The following ZNF208 variants were observed in gnomAD, a reference collection of about 807,000 sequenced individuals.
ZNF208 encodes the protein zinc finger protein 95.
Under a neutral mutation model 12.1 loss-of-function variants are expected in ZNF208, and 10 were observed. The ratio of observed to expected loss-of-function variants is 0.83; its 90% confidence interval spans 0.51 to 1.40. ZNF208 has a LOEUF of 1.40. Among genes scored for constraint, ZNF208 ranks in the 40% most tolerant of loss-of-function variants. The pLI is 0.00. For synonymous variants in ZNF208, 497 were observed against 488.4 expected, an observed-to-expected ratio of 1.02 and a Z score of -0.23; for missense variants, 1,652 against 1,485.0, an observed-to-expected ratio of 1.11 and a Z score of -1.85.
At position 21,971,386 on chromosome 19, in the gene ZNF208, C is replaced by G; in HGVS notation, c.3648G>C (p.Lys1216Asn). The change falls in exon 4 of 4, where the codon AAG (lysine) becomes AAC (asparagine). Residue 1216 changes from lysine (K) to asparagine (N), a missense_variant. Transcript: ENST00000397126. ...AGGGTTTCTCTCCAGTATGAATTTT[C>G]TTGTGATATCTAAGGGTTGAGGGCC... ...YKWPSTLRYH[K>N]KIHTGEKPYK... 1 of 1,609,786 alleles carries G rather than the reference C, an allele frequency of 6.2e-7. No homozygotes were observed. The highest frequency in any genetic ancestry group is 8.5e-7 in the Non-Finnish European group (1 of 1,179,320).
In ZNF208 at chr19:21,988,857, T is replaced by C; in HGVS notation, c.56A>G (p.Gln19Arg). The C allele has an allele frequency of 6.2e-7, 1 of 1,614,114 alleles. No homozygotes were observed. Among genetic ancestry groups the C allele is most frequent in the Non-Finnish European group, 8.5e-7 (1 of 1,179,972 alleles). ...VAIEFSLEEWQCLDTAQQNLY... is the reference protein window; with the variant it reads ...VAIEFSLEEWRCLDTAQQNLY... ...ATTCTGCTGTGCAGTGTCCAGGCAT[T>C]GCCACTCCTCCAGAGAGAATTCTAT... The change falls in exon 2 of 4, where the codon CAA becomes CGA. Residue 19 changes from glutamine (Q) to arginine (R), a missense_variant. Coordinates refer to ENST00000397126, the MANE Select transcript of ZNF208 (RefSeq NM_007153.3).
At chr19:21,983,906 G>C (rs573177104) in intron 3 of ZNF208, among the ~76,000 whole-genome samples, 1 of 152,058 alleles carries the variant, frequency 6.6e-6, no homozygotes, top group Non-Finnish European at 1.5e-5. Flanking sequence ...TGTAGATAAC[G>C]AGTTGATGGG....
rs58939967 is a variant in ZNF208, at chr19:22,001,892, C to CAAAAAAAAAAAAAAAAAAAAA, written c.3+8879_3+8899dup. 2.6e-3 allele frequency among the ~76,000 whole-genome samples: 191 copies of CAAAAAAAAAAAAAAAAAAAAA among 74,094 alleles called. 42 individuals are homozygous for CAAAAAAAAAAAAAAAAAAAAA. The highest frequency in any genetic ancestry group is 4.3e-3 in the East Asian group (10 of 2,352). The allele number at this position is 74,094 out of a possible 152,430, so 48.6% of individuals were successfully genotyped here. On this transcript the variant is annotated intron_variant, in intron 1 of 3. Transcript: ENST00000397126. ...TGGATGACACAGTGAGACTCCATCC[C>CAAAAAAAAAAAAAAAAAAAAA]AAAAAAAAAAAAAAAAAAAAAAAAA...
intron 4 of ZNF208, among the ~76,000 whole-genome samples, chr19:21,953,155 TG>T (rs951255610): frequency 2.4e-4 from 36 of 152,138 alleles, no homozygotes; most frequent in African/African-American, 8.2e-4. Flanking sequence ...CCAAGAACTG[TG>T]GGACTATGTG....
At position 21,987,282 on chromosome 19, in the gene ZNF208, T is replaced by C; in HGVS notation, c.160A>G (p.Ile54Val). 1.2e-6 allele frequency: 2 copies of C among 1,612,610 alleles called. No individual in the cohort carries two copies. The highest frequency in any genetic ancestry group is 1.1e-5 in the South Asian group (1 of 90,742). The change falls in exon 3 of 4, where the codon ATT becomes GTT. Residue 54 changes from isoleucine to valine, a missense_variant. Ile to Val is a conservative substitution (Grantham distance 29, BLOSUM62 3). Coordinates refer to ENST00000397126, the MANE Select transcript of ZNF208 (RefSeq NM_007153.3). ...GACTCTTTTCCTTCCTCCAGAAAAATGATCAGGTCTGGCTTAAAGGCAGCA... is the reference window on the plus strand; with the variant it reads ...GACTCTTTTCCTTCCTCCAGAAAAACGATCAGGTCTGGCTTAAAGGCAGCA... ...GIAAFKPDLI[I>V]FLEEGKESWN...
rs142656769 is a variant in ZNF208, at chr19:21,949,269, G to A, written c.306-16032C>T. On this transcript the variant is annotated intron_variant, in intron 4 of 4. Coordinates refer to the ZNF208 transcript ENST00000599916. The stretch of plus-strand genomic sequence containing the variant: ...TAACACTGTTCTCTGTGCCCCAACT[G>A]AAGAGGTCTCAGGAAGGCACTAAGA... 6.0e-3 allele frequency among the ~76,000 whole-genome samples: 921 copies of A among 152,258 alleles called. 8 individuals are homozygous for A. Among genetic ancestry groups the A allele is most frequent in the African/African-American group, 0.02 (833 of 41,552 alleles).
At chr19:21,950,918 G>T (rs762067849) in intron 4 of ZNF208, among the ~76,000 whole-genome samples, 6 of 152,136 alleles carry the variant, frequency 3.9e-5, no homozygotes, top group Non-Finnish European at 8.8e-5. Context: ...TACGTGTTTT[G>T]TGTGATGTCT....
chr19:21,942,028 T>A (rs1208469208), intron 4 of ZNF208, among the ~76,000 whole-genome samples: 1 of 152,170 alleles, frequency 6.6e-6, no homozygotes, highest in African/African-American at 2.4e-5. Flanking sequence ...GATGTGTAAA[T>A]CTTTCTTGAG....
At chr19:21,946,628 A>C (rs556620728) in intron 4 of ZNF208, among the ~76,000 whole-genome samples, 1 of 152,292 alleles carries the variant, frequency 6.6e-6, no homozygotes, top group Non-Finnish European at 1.5e-5. Flanking sequence ...TAAAACTATA[A>C]CATATTTTGG....
At chr19:21,981,735 AG>A (rs2145560376) in intron 3 of ZNF208, among the ~76,000 whole-genome samples, 1 of 152,316 alleles carries the variant, frequency 6.6e-6, no homozygotes, top group African/African-American at 2.4e-5. Flanking sequence ...AAAGAAATAA[AG>A]GATATTCAAA....
At chr19:21,952,429 C>T (rs1969904317) in intron 4 of ZNF208, among the ~76,000 whole-genome samples, 1 of 152,268 alleles carries the variant, frequency 6.6e-6, no homozygotes, top group South Asian at 2.1e-4. Flanking sequence ...TAGGTGGGTG[C>T]CCCTCTGGGA....
chr19:22,009,461 C>T lies in ZNF208; in HGVS notation c.3+1331G>A, dbSNP rs532115867. On this transcript the variant is annotated intron_variant, in intron 1 of 3. Transcript: ENST00000397126. Reference sequence around the variant, plus strand: ...TTTCTAATTTCTACTTTTAAAAAATCTAATTCGGCCAGGCACGGTGGCTTA... The same window carrying T: ...TTTCTAATTTCTACTTTTAAAAAATTTAATTCGGCCAGGCACGGTGGCTTA... The T allele has an allele frequency of 4.6e-5, 7 of 152,248 alleles. No individual in the cohort carries two copies. The East Asian group carries it at 7.7e-4, about 17-fold the overall frequency. The allele number at this position is 152,248 out of a possible 1,614,324, so 9.4% of individuals were successfully genotyped here.
Position 21,966,216 on chromosome 19 carries a change from T to C in ZNF208, c.*4975A>G, listed in dbSNP as rs1362219029. 1 of 152,142 alleles carries C rather than the reference T, an allele frequency of 6.6e-6. No homozygotes were observed. Among genetic ancestry groups the C allele is most frequent in the Non-Finnish European group, 1.5e-5 (1 of 68,004 alleles). The allele number at this position is 152,142 out of a possible 1,614,324, so 9.4% of individuals were successfully genotyped here. Reference sequence around the variant, plus strand: ...CTTAATAATTCCATTGCCCAAGTAGTGTACATCATACCTAAGCAGATTTTC... The same window carrying C: ...CTTAATAATTCCATTGCCCAAGTAGCGTACATCATACCTAAGCAGATTTTC... On this transcript the variant is annotated 3_prime_UTR_variant, in exon 4 of 4. Transcript: ENST00000397126.
chr19:21,954,636 A>C (rs1043259061), intron 4 of ZNF208, among the ~76,000 whole-genome samples: 1 of 152,058 alleles, frequency 6.6e-6, no homozygotes, highest in Non-Finnish European at 1.5e-5. Flanking sequence ...AGTCTGTTTT[A>C]TCCGAGACTA....
chr19:21,972,266 C>T lies in ZNF208; in HGVS notation c.2768G>A (p.Gly923Asp), dbSNP rs1371976831. 1.9e-6 allele frequency: 3 copies of T among 1,613,520 alleles called. No homozygotes were observed. The highest frequency in any genetic ancestry group is 2.5e-6 in the Non-Finnish European group (3 of 1,179,892). Reference protein sequence around the residue: ...GEKPYKCEECGKAFSWLSVFS... With the variant: ...GEKPYKCEECDKAFSWLSVFS... ...GACTGACAACCAGCTGAAGGCTTTG[C>T]CACATTCTTCACATTTGTAGGGTTT... is the stretch of plus-strand genomic sequence containing the variant. Residue 923 changes from glycine to aspartate, a missense_variant, in exon 4 of 4, where the codon GGC (glycine) becomes GAC (aspartate). Around this residue, in one of 3 missense-constraint regions of ZNF208, gnomAD observed 1,239 missense variants for 1,086.2 expected, o/e 1.14. Coordinates refer to ENST00000397126, the MANE Select transcript of ZNF208 (RefSeq NM_007153.3).
chr19:21,972,503 T>C lies in ZNF208; in HGVS notation c.2531A>G (p.Lys844Arg), dbSNP rs759842766. ...CTTATGTTTAGTAAGGATTGAGAAC[T>C]TACTAAAGGCTTTGCCACATTCTTT... ...KCKECGKAFS[K>R]FSILTKHKVI... The change falls in exon 4 of 4, where the codon AAG becomes AGG. Residue 844 changes from lysine (K) to arginine (R), a missense_variant. Coordinates refer to ENST00000397126, the MANE Select transcript of ZNF208 (RefSeq NM_007153.3). 2 of 1,609,660 alleles carry C rather than the reference T, an allele frequency of 1.2e-6. No homozygotes were observed. The highest frequency in any genetic ancestry group is 1.7e-6 in the Non-Finnish European group (2 of 1,178,914).
At chr19:22,004,414 G>T (rs1395635846) in intron 1 of ZNF208, among the ~76,000 whole-genome samples, 1 of 151,908 alleles carries the variant, frequency 6.6e-6, no homozygotes, top group African/African-American at 2.4e-5. Context: ...TACTCCAGAG[G>T]CTGTGGCAGA....
downstream of ZNF208, among the ~76,000 whole-genome samples, chr19:21,961,916 G>A (rs774833443): frequency 7.9e-5 from 12 of 151,986 alleles, no homozygotes; most frequent in African/African-American, 2.4e-4. Context: ...TCAAACACAC[G>A]TTTTACAATC....
At chr19:21,986,988 T>C (rs1255909808) in intron 3 of ZNF208, 1 of 503,320 alleles carries the variant, frequency 2.0e-6, no homozygotes. Context: ...TGGCTGTCAC[T>C]GTAAACTTGA....
Sources: allele counts gnomAD v4.1 joint callset (sites outside exome capture counted in the v4.1 genomes callset), GRCh38; gene constraint gnomAD v4.1.1; regional missense constraint gnomAD v4.1.1; transcripts MANE v1.5; gene names NCBI Gene and HGNC (gene_info 2026-07-23, HGNC 2026-07-21).